Variants in DNAH6 observed in about 807,000 individuals in gnomAD.
DNAH6 encodes axonemal beta dynein heavy chain 6.
Under a neutral mutation model 491.4 loss-of-function variants are expected in DNAH6, and 340 were observed. The ratio of observed to expected loss-of-function variants is 0.69; its 90% CI spans 0.63 to 0.76. The LOEUF is 0.76. Among genes scored for constraint, DNAH6 ranks in the 30% least tolerant of loss-of-function variants. DNAH6 has a pLI of 0.00. For synonymous variants in DNAH6, 1,603 were observed against 1,686.1 expected, an observed-to-expected ratio of 0.95 and a Z score of 1.21; for missense variants, 4,443 against 4,972.2, an observed-to-expected ratio of 0.89 and a Z score of 3.20.
chr2:84,796,418 T>C lies in DNAH6; in HGVS notation c.11352T>C (p.Ser3784=). 3.3e-6 allele frequency: 5 copies of C among 1,513,710 alleles called. No individual in the cohort carries two copies. Among genetic ancestry groups the C allele is most frequent in the Non-Finnish European group, 4.4e-6 (5 of 1,127,358 alleles). The allele number at this position is 1,513,710 out of a possible 1,614,324, so 93.8% of individuals were successfully genotyped here. Residue 3784 remains serine, a synonymous_variant, in exon 69 of 77, where the codon TCT becomes TCC. Coordinates refer to ENST00000389394, the MANE Select transcript of DNAH6 (RefSeq NM_001370.2). ...PETLEEDYKY[S]ESGIYFAPMA... ...CATTAGAAGAAGATTATAAATACTC[T>C]GAATCAGGTGAATGACTTTTCAATA...
intron 30 of DNAH6, among the ~76,000 whole-genome samples, chr2:84,636,350 C>G (rs560997185): frequency 2.9e-4 from 44 of 152,192 alleles, no homozygotes; most frequent in African/African-American, 1.0e-3. Flanking sequence ...CCCTGTTCCT[C>G]CACCTGAAAC....
At chr2:84,465,711 T>C in the DNAH6 span, among the ~76,000 whole-genome samples, 5 of 152,156 alleles carry the variant, frequency 3.3e-5, no homozygotes, top group African/African-American at 1.2e-4. Context: ...GATTAGAGTA[T>C]TGATCCAAAT....
chr2:84,678,927 G>A (rs1292123951), intron 41 of DNAH6, among the ~76,000 whole-genome samples: 1 of 152,116 alleles, frequency 6.6e-6, no homozygotes, highest in African/African-American at 2.4e-5. Flanking sequence ...TTGCCTGTAG[G>A]AAAAAAGAAC....
the DNAH6 span, among the ~76,000 whole-genome samples, chr2:84,497,887 G>A: frequency 2.0e-5 from 3 of 152,288 alleles, no homozygotes; most frequent in East Asian, 5.8e-4. Flanking sequence ...ACCCAAAAGT[G>A]ATCCCTGAAA....
chr2:84,797,709 C>G, intron 70 of DNAH6, 51 bp downstream of exon 70: 1 of 1,407,866 alleles, frequency 7.1e-7, no homozygotes, highest in African/African-American at 1.4e-5. Context: ...TATGTAAACT[C>G]AAAACATCAA....
Position 84,796,549 on chromosome 2 carries a change from TC to T in DNAH6, c.11359+128del, listed in dbSNP as rs1049316823. On this transcript the variant is annotated intron_variant, in intron 69 of 76. Transcript: ENST00000389394. ...ACAACGCTGTTATAGCCACACCCTA[TC>T]CCCATGCTTGGCCACCTTCAGAGCT... The T allele has an allele frequency of 1.2e-5, 9 of 729,542 alleles. No homozygotes were observed. In the African/African-American group the frequency reaches 1.5e-4, roughly 12 times the overall value. The allele number at this position is 729,542 out of a possible 1,614,324, so 45.2% of individuals were successfully genotyped here. A position where few individuals can be genotyped will look rare whatever the true frequency, so the allele number is the denominator to read the frequency against.
chr2:84,507,082 G>T, the DNAH6 span, among the ~76,000 whole-genome samples: 3 of 152,128 alleles, frequency 2.0e-5, no homozygotes, highest in Non-Finnish European at 4.4e-5. Flanking sequence ...CTTTAAAGTA[G>T]TTTTTTCCAA....
intron 13 of DNAH6, among the ~76,000 whole-genome samples, chr2:84,577,668 A>G (rs185902706): frequency 4.6e-4 from 70 of 152,226 alleles, no homozygotes; most frequent in South Asian, 1.5e-3. Context: ...TTGTCGGAGC[A>G]TTTCAAGACC....
At chr2:84,478,981 T>C in the DNAH6 span, among the ~76,000 whole-genome samples, 1 of 152,236 alleles carries the variant, frequency 6.6e-6, no homozygotes, top group African/African-American at 2.4e-5. Flanking sequence ...GACTCCTCTC[T>C]GATGCTACAC....
chr2:84,811,989 G>A (rs1245718271), intron 72 of DNAH6, among the ~76,000 whole-genome samples: 3 of 152,048 alleles, frequency 2.0e-5, no homozygotes, highest in African/African-American at 4.8e-5. Context: ...CTCACACTCT[G>A]TGCTTCCCAA....
intron 57 of DNAH6, among the ~76,000 whole-genome samples, chr2:84,713,703 G>T (rs1480320448): frequency 6.6e-6 from 1 of 152,138 alleles, no homozygotes; most frequent in Non-Finnish European, 1.5e-5. Context: ...GGCTGGGGTT[G>T]GGGGGAGGAG....
At chr2:84,484,466 C>T in the DNAH6 span, among the ~76,000 whole-genome samples, 1 of 152,196 alleles carries the variant, frequency 6.6e-6, no homozygotes, top group Non-Finnish European at 1.5e-5. Flanking sequence ...GGTATTTGAG[C>T]TCAAGTCAAG....
chr2:84,564,118 G>A (rs370377605), intron 11 of DNAH6, among the ~76,000 whole-genome samples: 1 of 152,102 alleles, frequency 6.6e-6, no homozygotes, highest in Admixed American at 6.6e-5. Context: ...ATAGTTTGAA[G>A]CCCAGGTAAT....
intron 39 of DNAH6, among the ~76,000 whole-genome samples, chr2:84,672,088 G>A (rs1573436041): frequency 1.3e-5 from 2 of 152,338 alleles, no homozygotes; most frequent in East Asian, 3.9e-4. Context: ...CTTGTGCCCT[G>A]ACAGTGAGGA....
At chr2:84,562,503 A>G (rs1043509916) in intron 11 of DNAH6, among the ~76,000 whole-genome samples, 1 of 152,216 alleles carries the variant, frequency 6.6e-6, no homozygotes, top group African/African-American at 2.4e-5. Flanking sequence ...AAAGGTAAAC[A>G]ATAAGAAAGT....
intron 33 of DNAH6, among the ~76,000 whole-genome samples, chr2:84,646,941 G>A (rs1309009491): frequency 2.0e-5 from 3 of 152,060 alleles, no homozygotes; most frequent in African/African-American, 4.8e-5. Flanking sequence ...TCTGCCTCCC[G>A]GGTTCAAGCA....
chr2:84,653,154 A>G (rs1690613654), intron 33 of DNAH6, among the ~76,000 whole-genome samples, 165 bp from the exon 34 acceptor site: 1 of 152,092 alleles, frequency 6.6e-6, no homozygotes, highest in Admixed American at 6.6e-5. Context: ...TATCAGAGAA[A>G]TGATAGATTC....
chr2:84,781,464 T>C, intron 64 of DNAH6, 29 bp from the exon 65 acceptor site: 1 of 1,523,866 alleles, frequency 6.6e-7, no homozygotes, highest in Non-Finnish European at 8.9e-7. Flanking sequence ...TAGCATAAGA[T>C]GATATTGTGT....
chr2:84,501,475 C>A, the DNAH6 span, among the ~76,000 whole-genome samples: 1 of 151,060 alleles, frequency 6.6e-6, no homozygotes, highest in Admixed American at 6.6e-5. Flanking sequence ...GCAATATTAG[C>A]CTGTAGTTTT....
Sources: gnomAD v4.1 joint callset for allele counts (sites outside exome capture counted in the v4.1 genomes callset) on GRCh38, gnomAD v4.1.1 for gene constraint, MANE v1.5 for transcripts, NCBI Gene and HGNC (gene_info 2026-07-23, HGNC 2026-07-21) for gene names.